AGBL1: variants seen among roughly 807,000 people sequenced by gnomAD.
AGBL1 encodes the protein AGBL carboxypeptidase 1, also known as cytosolic carboxypeptidase 4.
AGBL1 carries 130 observed loss-of-function variants against 118.9 expected under a neutral mutation model. That is an observed-to-expected ratio of 1.09 (90% CI 0.95 to 1.26). The LOEUF is 1.26. Ranked by LOEUF, AGBL1 falls within the 50% of genes most tolerant of loss-of-function variation. The pLI is 0.00. For missense variants in AGBL1, 1,584 were observed against 1,298.1 expected, an observed-to-expected ratio of 1.22 and a Z score of -3.38; for synonymous variants, 555 against 478.9, an observed-to-expected ratio of 1.16 and a Z score of -2.08.
At chr15:86,581,303 C>T (rs1027698423) in intron 21 of AGBL1, among the ~76,000 whole-genome samples, 5 of 152,042 alleles carry the variant, frequency 3.3e-5, no homozygotes, top group African/African-American at 4.8e-5. Context: ...TTATCTTAAA[C>T]GTTTTTCTCA....
At chr15:86,080,138 C>A in intron 1 of AGBL1, 115 bp downstream of exon 1, 2 of 785,736 alleles carry the variant, frequency 2.5e-6, no homozygotes, top group Non-Finnish European at 3.5e-6. Flanking sequence ...AGTTTGTTAA[C>A]AGCAAGAGAA....
chr15:86,419,627 C>T (rs904157907), intron 18 of AGBL1, among the ~76,000 whole-genome samples: 2 of 152,058 alleles, frequency 1.3e-5, no homozygotes, highest in Admixed American at 6.5e-5. Flanking sequence ...ATTCACTCCC[C>T]TGGAAAAGAG....
intron 21 of AGBL1, among the ~76,000 whole-genome samples, chr15:86,672,412 T>C (rs921293031): frequency 6.6e-6 from 1 of 152,180 alleles, no homozygotes; most frequent in Non-Finnish European, 1.5e-5. Flanking sequence ...TACTGTGAGG[T>C]TTATTTTCCT....
At chr15:86,779,730 G>A (rs999060504) in intron 22 of AGBL1, among the ~76,000 whole-genome samples, 1 of 151,774 alleles carries the variant, frequency 6.6e-6, no homozygotes, top group African/African-American at 2.4e-5. Flanking sequence ...GGAAATAGTG[G>A]GATTGCATTG....
intron 9 of AGBL1, among the ~76,000 whole-genome samples, chr15:86,262,078 C>CTTTTTTTTTTTTT (rs61365024): frequency 0.19 from 9,935 of 52,446 alleles, 3,214 homozygotes; most frequent in Non-Finnish European, 0.25. Context: ...GCATAGCTGG[C>CTTTTTTTTTTTTT]TTTTTTTTTT....
intron 23 of AGBL1, among the ~76,000 whole-genome samples, chr15:86,966,917 G>A (rs989930613): frequency 6.6e-6 from 1 of 151,976 alleles, no homozygotes; most frequent in East Asian, 1.9e-4. Flanking sequence ...TTCCACAATG[G>A]TTGAACTAGT....
At chr15:86,949,898 T>C (rs1360885447) in intron 23 of AGBL1, among the ~76,000 whole-genome samples, 1 of 152,072 alleles carries the variant, frequency 6.6e-6, no homozygotes, top group Admixed American at 6.6e-5. Context: ...AATTATATAC[T>C]GGGCCTTTAA....
At chr15:87,009,199 C>G (rs2081534025) in intron 24 of AGBL1, among the ~76,000 whole-genome samples, 1 of 152,106 alleles carries the variant, frequency 6.6e-6, no homozygotes, top group Non-Finnish European at 1.5e-5. Flanking sequence ...GGGCTCAGTA[C>G]AGGGTCCCTA....
chr15:86,197,174 A>G (rs1221131371), intron 5 of AGBL1, among the ~76,000 whole-genome samples: 1 of 152,204 alleles, frequency 6.6e-6, no homozygotes, highest in Non-Finnish European at 1.5e-5. Context: ...GAACTGGGTA[A>G]TGGGTGGAGG....
chr15:86,952,179 C>A (rs528193616), intron 23 of AGBL1, among the ~76,000 whole-genome samples: 1 of 151,308 alleles, frequency 6.6e-6, no homozygotes, highest in South Asian at 2.1e-4. Flanking sequence ...TGCAGTGAGC[C>A]GAGATCACGC....
At chr15:86,657,526 G>A (rs2085480223) in intron 21 of AGBL1, among the ~76,000 whole-genome samples, 1 of 152,120 alleles carries the variant, frequency 6.6e-6, no homozygotes, top group Non-Finnish European at 1.5e-5. Context: ...CGTTTAGAGT[G>A]GAAATCCATT....
At chr15:86,210,076 C>G (rs1345803140) in intron 5 of AGBL1, among the ~76,000 whole-genome samples, 1 of 152,148 alleles carries the variant, frequency 6.6e-6, no homozygotes, top group Non-Finnish European at 1.5e-5. Flanking sequence ...ACTTATGAAG[C>G]TTAGTTTGGC....
Position 86,726,837 on chromosome 15 carries a change from G to A in AGBL1, c.3158+52401G>A, listed in dbSNP as rs563101992. The stretch of plus-strand genomic sequence containing the variant: ...CCCAAAGTGCTGGGATTACAGGTGT[G>A]AGCCACTGCACCCAGCCAGTACTAT... On this transcript the variant is annotated intron_variant, in intron 22 of 22. Transcript: ENST00000614907. Among the ~76,000 whole-genome samples, 53 of 152,244 alleles carry A rather than the reference G, an allele frequency of 3.5e-4. No individual in the cohort carries two copies. In the South Asian group the frequency reaches 0.011, roughly 31 times the overall value.
chr15:86,758,653 C>T (rs911476512), intron 22 of AGBL1, among the ~76,000 whole-genome samples: 2 of 151,734 alleles, frequency 1.3e-5, no homozygotes, highest in Non-Finnish European at 1.5e-5. Flanking sequence ...ATCCAGGTGC[C>T]GAGGACTCAC....
In AGBL1 at chr15:86,101,793, C is replaced by CAT. The variant is rs554588800; in HGVS notation, c.51+21774_51+21775dup. ...GGTGAGATGAATTTCTAGTAGGCAG[C>CAT]ATATAGTTCAGTGTTTTCTAAAAAT... On this transcript the variant is annotated intron_variant, in intron 1 of 22. Transcript: ENST00000614907. Among the ~76,000 whole-genome samples, 126 of 152,170 alleles carry CAT rather than the reference C, an allele frequency of 8.3e-4. 1 individual carries two copies. Among genetic ancestry groups the CAT allele is most frequent in the African/African-American group, 2.7e-3 (113 of 41,534 alleles).
chr15:86,173,915 C>T (rs572209760), intron 5 of AGBL1, among the ~76,000 whole-genome samples: 63 of 151,792 alleles, frequency 4.2e-4, no homozygotes, highest in Non-Finnish European at 6.6e-4. Flanking sequence ...AGGATTGCTT[C>T]GGCTATTTTG....
At chr15:86,200,559 CCCCT>C (rs1001331027) in intron 5 of AGBL1, among the ~76,000 whole-genome samples, 4 of 143,804 alleles carry the variant, frequency 2.8e-5, no homozygotes, top group African/African-American at 5.1e-5. Flanking sequence ...TACCCCCCCC[CCCCT>C]TTTTTTTTTG....
intron 22 of AGBL1, among the ~76,000 whole-genome samples, chr15:86,826,346 T>C (rs1247022822): frequency 6.6e-6 from 1 of 152,154 alleles, no homozygotes; most frequent in Non-Finnish European, 1.5e-5. Context: ...GGATGCAGTG[T>C]CTGCCACCTG....
intron 1 of AGBL1, chr15:86,138,322 AAC>A: frequency 6.6e-6 from 1 of 152,332 alleles, no homozygotes; most frequent in Non-Finnish European, 1.5e-5. Context: ...AACCAGGCCC[AAC>A]CCTGTTTAGC....
Sources: gnomAD v4.1 joint callset for allele counts (sites outside exome capture counted in the v4.1 genomes callset) on GRCh38, gnomAD v4.1.1 for gene constraint, MANE v1.5 for transcripts, NCBI Gene and HGNC (gene_info 2026-07-23, HGNC 2026-07-21) for gene names.